Variants in ROR1 observed in about 807,000 individuals in gnomAD.
The protein encoded by ROR1 is inactive tyrosine-protein kinase transmembrane receptor ROR1.
In ROR1, 19 loss-of-function variants were observed where a neutral mutation model predicts 78.8. The observed-to-expected ratio is 0.24, with a 90% confidence interval of 0.17 to 0.35. The LOEUF is 0.35. Ranked by LOEUF, ROR1 falls within the 10% of genes least tolerant of loss-of-function variation. ROR1 has a pLI of 1.00. For synonymous variants in ROR1, 386 were observed against 433.6 expected (o/e 0.89, Z 1.36); for missense variants, 917 against 1,177.8 (o/e 0.78, Z 3.24).
chr1:64,121,958 C>T (rs1648558507), intron 4 of ROR1, among the ~76,000 whole-genome samples: 6 of 152,174 alleles, frequency 3.9e-5, no homozygotes, highest in Admixed American at 3.3e-4. Context: ...TCTTTGAGCA[C>T]CAGAACCTGC....
intron 1 of ROR1, among the ~76,000 whole-genome samples, chr1:63,818,447 T>G (rs1328556996): frequency 6.6e-6 from 1 of 152,256 alleles, no homozygotes; most frequent in Admixed American, 6.5e-5. Context: ...TGCTGTTTTA[T>G]TCTATTTACT....
At chr1:64,105,855 C>T (rs1647781662) in intron 4 of ROR1, 1 of 152,228 alleles carries the variant, frequency 6.6e-6, no homozygotes, top group Non-Finnish European at 1.5e-5. Context: ...GTTTTGGTTA[C>T]TGTAGCCTGT....
intron 1 of ROR1, among the ~76,000 whole-genome samples, chr1:63,992,569 G>A (rs1380609983): frequency 6.6e-6 from 1 of 152,186 alleles, no homozygotes; most frequent in Non-Finnish European, 1.5e-5. Flanking sequence ...GGACTGTATA[G>A]ACACATCCTA....
intron 8 of ROR1, among the ~76,000 whole-genome samples, chr1:64,170,071 C>T (rs960599067): frequency 3.3e-5 from 5 of 152,194 alleles, no homozygotes; most frequent in Non-Finnish European, 4.4e-5. Flanking sequence ...GTGGGTCTAC[C>T]ATTCTGGGGT....
chr1:64,057,317 A>G (rs1254853115), intron 4 of ROR1, among the ~76,000 whole-genome samples: 1 of 152,188 alleles, frequency 6.6e-6, no homozygotes, highest in East Asian at 1.9e-4. Flanking sequence ...ACATGTGTCT[A>G]TGTGTCTATC....
chr1:63,806,404 A>G (rs1055708249), intron 1 of ROR1, among the ~76,000 whole-genome samples: 49 of 141,162 alleles, frequency 3.5e-4, no homozygotes, highest in Non-Finnish European at 2.4e-4. Flanking sequence ...TGCAAGCTCC[A>G]CCTCCCAGGT....
chr1:63,857,067 A>G (rs1645153293), intron 1 of ROR1, among the ~76,000 whole-genome samples: 1 of 152,138 alleles, frequency 6.6e-6, no homozygotes, highest in South Asian at 2.1e-4. Flanking sequence ...GGTGTGTAAC[A>G]GTTGCTCAAT....
Position 64,095,860 on chromosome 1 carries a change from G to A in ROR1, c.483-41509G>A, listed in dbSNP as rs1249586387. Among the ~76,000 whole-genome samples, 3 of 152,130 alleles carry A rather than the reference G, an allele frequency of 2.0e-5. No homozygotes were observed. In the East Asian group the frequency reaches 5.8e-4, roughly 29 times the overall value. ...GAAATGTTTTACAGAAAGAGAGACC[G>A]TGGCCAAAGAAGTAAAGTGATAGGC... is the stretch of plus-strand genomic sequence containing the variant. On this transcript the variant is annotated intron_variant, in intron 4 of 8. Transcript: ENST00000371079.
intron 4 of ROR1, among the ~76,000 whole-genome samples, chr1:64,125,578 G>A (rs1350628595): frequency 6.6e-6 from 1 of 152,162 alleles, no homozygotes; most frequent in Non-Finnish European, 1.5e-5. Flanking sequence ...TGGGCCCAGG[G>A]ATTGTGAAGC....
intron 1 of ROR1, among the ~76,000 whole-genome samples, chr1:63,898,100 C>A (rs979472609): frequency 3.9e-5 from 6 of 152,164 alleles, no homozygotes; most frequent in African/African-American, 1.4e-4. Flanking sequence ...CTGGTCTCAT[C>A]CCAGCAATAA....
At chr1:64,152,798 C>T (rs934463300) in intron 7 of ROR1, among the ~76,000 whole-genome samples, 11 of 152,102 alleles carry the variant, frequency 7.2e-5, no homozygotes, top group Admixed American at 3.3e-4. Context: ...ATAAACATAT[C>T]ATCAATGATA....
At chr1:63,819,999 A>C (rs1423355472) in intron 1 of ROR1, among the ~76,000 whole-genome samples, 1 of 152,370 alleles carries the variant, frequency 6.6e-6, no homozygotes, top group African/African-American at 2.4e-5. Flanking sequence ...ACCATGGAAC[A>C]CTATGCAGGC....
intron 4 of ROR1, among the ~76,000 whole-genome samples, chr1:64,063,405 C>T (rs946551459): frequency 2.0e-5 from 3 of 152,042 alleles, no homozygotes; most frequent in Non-Finnish European, 4.4e-5. Flanking sequence ...TGCCTTCAGC[C>T]CAAAATAGTG....
intron 4 of ROR1, among the ~76,000 whole-genome samples, chr1:64,101,445 G>T (rs1278925369): frequency 6.6e-6 from 1 of 152,164 alleles, no homozygotes; most frequent in African/African-American, 2.4e-5. Context: ...AACCCATCAT[G>T]CGTGGTGGGT....
chr1:63,944,404 C>T (rs1645866410), intron 1 of ROR1, among the ~76,000 whole-genome samples: 1 of 152,178 alleles, frequency 6.6e-6, no homozygotes, highest in Non-Finnish European at 1.5e-5. Context: ...TAATCCCTGG[C>T]CATGGGCCCA....
intron 1 of ROR1, among the ~76,000 whole-genome samples, chr1:63,778,059 G>C (rs1644628199): frequency 6.6e-6 from 1 of 152,188 alleles, no homozygotes; most frequent in Non-Finnish European, 1.5e-5. Context: ...ATGGTTACAA[G>C]CACAGGCTTT....
intron 1 of ROR1, among the ~76,000 whole-genome samples, chr1:63,836,548 A>G (rs1487293314): frequency 6.6e-6 from 1 of 152,220 alleles, no homozygotes; most frequent in Admixed American, 6.5e-5. Flanking sequence ...GTAGCCCAAG[A>G]GACGATACTA....
intron 4 of ROR1, among the ~76,000 whole-genome samples, chr1:64,051,457 A>AAAAATAAAATAAAAT (rs71056018): frequency 7.8e-5 from 6 of 76,728 alleles, no homozygotes; most frequent in African/African-American, 1.8e-4. Context: ...CTCAAAAATA[A>AAAAATAAAATAAAAT]AAAATAAAAT....
At chr1:63,796,807 G>A (rs1261403224) in intron 1 of ROR1, among the ~76,000 whole-genome samples, 1 of 152,146 alleles carries the variant, frequency 6.6e-6, no homozygotes, top group Non-Finnish European at 1.5e-5. Flanking sequence ...GACTGAAGGT[G>A]GAAATGGCAA....
Sources: gnomAD v4.1 joint callset for allele counts (sites outside exome capture counted in the v4.1 genomes callset) on GRCh38, gnomAD v4.1.1 for gene constraint, MANE v1.5 for transcripts, NCBI Gene and HGNC (gene_info 2026-07-23, HGNC 2026-07-21) for gene names.